FRYL: variants seen among roughly 807,000 people sequenced by gnomAD.
FRYL encodes the protein protein furry homolog-like.
FRYL carries 150 observed loss-of-function variants against 351.2 expected under a neutral mutation model. That is an observed-to-expected ratio of 0.43 (90% confidence interval 0.37 to 0.49). The LOEUF (loss-of-function observed/expected upper bound fraction) is 0.49. Among genes scored for constraint, FRYL ranks in the 20% least tolerant of loss-of-function variants. FRYL has a pLI of 0.00. For missense variants in FRYL, 3,036 were observed against 3,619.3 expected (o/e 0.84, Z 4.13); for synonymous variants, 1,153 against 1,257.1 (o/e 0.92, Z 1.75).
chr4:48,653,959 T>C, intron 3 of FRYL: 1 of 1,182,582 alleles, frequency 8.5e-7, no homozygotes, highest in South Asian at 1.6e-5. Context: ...AGTCTTGCAG[T>C]GACGCACAAC....
At position 48,593,930 on chromosome 4, in the gene FRYL, C is replaced by A; in HGVS notation, c.1335G>T (p.Glu445Asp). Residue 445 changes from glutamate to aspartate, a missense_variant and splice_region_variant, in exon 16 of 64, where the codon GAG becomes GAT. Glu to Asp is a conservative substitution (Grantham distance 45). Transcript: ENST00000358350. ...KSTKTFTINP[E>D]RMNIGLRVFL... Reference sequence around the variant, plus strand: ...TATTATTACATTATAATTTTTTTACCTCTGGATTAATGGTGAAAGTTTTAG... The same window carrying A: ...TATTATTACATTATAATTTTTTTACATCTGGATTAATGGTGAAAGTTTTAG... 2 of 1,311,696 alleles carry A rather than the reference C, an allele frequency of 1.5e-6. No homozygotes were observed. Among genetic ancestry groups the A allele is most frequent in the Non-Finnish European group, 1.0e-6 (1 of 984,230 alleles). The allele number at this position is 1,311,696 out of a possible 1,614,324, so 81.3% of individuals were successfully genotyped here.
rs1731775047 is a variant in FRYL at position 48,548,069 on chromosome 4, A to C, written c.4889-300T>G. On this transcript the variant is annotated intron_variant, in intron 40 of 63. Transcript: ENST00000358350. ...TCATGGAAATGAATTTTTTTTTTTA[A>C]AGGCAGGGTTTTTTGTGTGCTTAGC... Among the ~76,000 whole-genome samples the C allele has an allele frequency of 2.0e-5, 3 of 152,000 alleles. No individual in the cohort carries two copies. The South Asian group carries it at 6.2e-4, about 32-fold the overall frequency.
intron 58 of FRYL, among the ~76,000 whole-genome samples, chr4:48,510,541 A>T (rs1722252628): frequency 6.6e-6 from 1 of 152,178 alleles, no homozygotes. Context: ...AGGTTTAGGC[A>T]TCTCCTACCC....
intron 53 of FRYL, among the ~76,000 whole-genome samples, chr4:48,526,841 C>T (rs548241270): frequency 5.9e-5 from 9 of 152,200 alleles, no homozygotes; most frequent in African/African-American, 1.7e-4. Context: ...AGAAGAGAAA[C>T]GCTTTGAGTA....
chr4:48,731,400 C>T (rs761025999), intron 1 of FRYL, among the ~76,000 whole-genome samples: 1 of 152,192 alleles, frequency 6.6e-6, no homozygotes, highest in Non-Finnish European at 1.5e-5. Context: ...CATCAAGCTA[C>T]CACAGACTTT....
chr4:48,728,077 A>G lies in FRYL; in HGVS notation c.-383-17379T>C, dbSNP rs1158975697. 2.0e-5 allele frequency among the ~76,000 whole-genome samples: 3 copies of G among 152,216 alleles called. No homozygotes were observed. The East Asian group carries it at 5.8e-4, about 29-fold the overall frequency. Reference sequence around the variant, plus strand: ...TATTAAACAGCTCCTTTTACACAGTACATCATGTCCAGCTACAAAGAAAAG... The same window carrying G: ...TATTAAACAGCTCCTTTTACACAGTGCATCATGTCCAGCTACAAAGAAAAG... On this transcript the variant is annotated intron_variant, in intron 1 of 63. Transcript: ENST00000358350.
At chr4:48,638,136 T>G (rs1294148395) in intron 3 of FRYL, 1 of 152,046 alleles carries the variant, frequency 6.6e-6, no homozygotes, top group Non-Finnish European at 1.5e-5. Context: ...CAGAGGTCTT[T>G]AAGGATTTAA....
At chr4:48,716,313 G>A (rs1306585567) in intron 1 of FRYL, among the ~76,000 whole-genome samples, 2 of 151,286 alleles carry the variant, frequency 1.3e-5, no homozygotes, top group Non-Finnish European at 3.0e-5. Flanking sequence ...CACAGCAAAA[G>A]AAACTACCAT....
At chr4:48,504,474 G>A (rs549035662) in intron 60 of FRYL, among the ~76,000 whole-genome samples, 9 of 152,178 alleles carry the variant, frequency 5.9e-5, no homozygotes, top group Admixed American at 4.6e-4. Context: ...ATTACTTGCC[G>A]AAGTGATGCA....
At position 48,512,478 on chromosome 4, in the gene FRYL, G is replaced by A. The variant is rs1722690797; in HGVS notation, c.8145+3C>T. 3.1e-6 allele frequency: 5 copies of A among 1,606,998 alleles called. No individual in the cohort carries two copies. Among genetic ancestry groups the A allele is most frequent in the Non-Finnish European group, 4.3e-6 (5 of 1,174,012 alleles). The stretch of plus-strand genomic sequence containing the variant: ...GAATTCAGAAACCCTGAACCTCACT[G>A]ACCTGAAACAGCCTAGAAAACACAT... On this transcript the variant is annotated splice_donor_region_variant and intron_variant, in intron 57 of 63. Transcript: ENST00000358350.
chr4:48,634,478 A>C lies in FRYL; in HGVS notation c.-68T>G. 1 of 1,609,788 alleles carries C rather than the reference A, an allele frequency of 6.2e-7. No individual in the cohort carries two copies. Among genetic ancestry groups the C allele is most frequent in the East Asian group, 2.2e-5 (1 of 44,686 alleles). On this transcript the variant is annotated 5_prime_UTR_variant, in exon 4 of 64. Coordinates refer to ENST00000358350, the MANE Select transcript of FRYL (RefSeq NM_015030.2). Reference sequence around the variant, plus strand: ...AGCACAGTATTTATTTACTTTGCTGACTGGCGCTGAAGCTAAAAGTAAAAG... The same window carrying C: ...AGCACAGTATTTATTTACTTTGCTGCCTGGCGCTGAAGCTAAAAGTAAAAG...
chr4:48,735,713 T>C (rs1771273637), intron 1 of FRYL, among the ~76,000 whole-genome samples: 1 of 33,114 alleles, frequency 3.0e-5, no homozygotes, highest in African/African-American at 1.1e-4. Flanking sequence ...CAGTAAACTA[T>C]CGCAAGAACA....
chr4:48,506,617 TATATA>T (rs1721035404), intron 59 of FRYL: 1 of 2,152 alleles, frequency 4.6e-4, no homozygotes, highest in Non-Finnish European at 9.6e-4. Flanking sequence ...ATACAACTAA[TATATA>T]TATATATATA....
intron 3 of FRYL, among the ~76,000 whole-genome samples, chr4:48,648,238 T>C (rs1366521690): frequency 6.6e-6 from 1 of 152,120 alleles, no homozygotes; most frequent in Non-Finnish European, 1.5e-5. Flanking sequence ...ATCACCCCAA[T>C]CACTGTCGCA....
At chr4:48,576,597 T>C (rs1215227924) in intron 23 of FRYL, among the ~76,000 whole-genome samples, 1 of 152,192 alleles carries the variant, frequency 6.6e-6, no homozygotes, top group Non-Finnish European at 1.5e-5. Flanking sequence ...TGAGCCACCA[T>C]GCCTGGCCTA....
chr4:48,577,607 T>C (rs1739910510), intron 23 of FRYL, among the ~76,000 whole-genome samples: 1 of 151,950 alleles, frequency 6.6e-6, no homozygotes, highest in Admixed American at 6.6e-5. Context: ...AAAAGGGAGA[T>C]AAAGAATGCT....
chr4:48,623,674 T>C (rs937408715), intron 4 of FRYL, among the ~76,000 whole-genome samples: 1 of 152,144 alleles, frequency 6.6e-6, no homozygotes, highest in African/African-American at 2.4e-5. Flanking sequence ...TCTCTGTGCT[T>C]CAGTTTTCTT....
chr4:48,759,095 G>A lies in FRYL; in HGVS notation c.-384+20983C>T, dbSNP rs1294472735. Reference sequence around the variant, plus strand: ...AGGGCCTGTCATGGCGTTGGGGGAAGGGGGGAGAATAGCATTAGGAGATAT... The same window carrying A: ...AGGGCCTGTCATGGCGTTGGGGGAAAGGGGGAGAATAGCATTAGGAGATAT... On this transcript the variant is annotated intron_variant, in intron 1 of 63. Coordinates refer to ENST00000358350, the MANE Select transcript of FRYL (RefSeq NM_015030.2). 3.9e-5 allele frequency among the ~76,000 whole-genome samples: 6 copies of A among 152,272 alleles called. No individual in the cohort carries two copies. In the South Asian group the frequency reaches 1.0e-3, roughly 26 times the overall value.
At chr4:48,725,056 T>C (rs1453563362) in intron 1 of FRYL, among the ~76,000 whole-genome samples, 1 of 152,254 alleles carries the variant, frequency 6.6e-6, no homozygotes, top group Non-Finnish European at 1.5e-5. Flanking sequence ...TCCCTCAAGA[T>C]GATTAAATCA....
Sources: allele counts gnomAD v4.1 joint callset (sites outside exome capture counted in the v4.1 genomes callset), GRCh38; gene constraint gnomAD v4.1.1; transcripts MANE v1.5; gene names NCBI Gene and HGNC (gene_info 2026-07-23, HGNC 2026-07-21).